The following DOCK3 variants were observed in gnomAD, a reference collection of about 807,000 sequenced individuals.
The protein encoded by DOCK3 is dedicator of cytokinesis 3, also known as dedicator of cytokinesis protein 3.
A neutral mutation model predicts 265.6 loss-of-function variants in DOCK3; 60 were observed. That is an observed-to-expected ratio of 0.23 (90% CI 0.18 to 0.28). The LOEUF (loss-of-function observed/expected upper bound fraction) is 0.28. Ranked by LOEUF, DOCK3 falls within the 10% of genes least tolerant of loss-of-function variation. The pLI is 1.00. For missense variants in DOCK3, 1,981 were observed against 2,594.3 expected, an observed-to-expected ratio of 0.76 and a Z score of 5.14; for synonymous variants, 881 against 938.0, an observed-to-expected ratio of 0.94 and a Z score of 1.11.
intron 14 of DOCK3, among the ~76,000 whole-genome samples, chr3:51,215,989 A>T: frequency 6.6e-6 from 1 of 152,262 alleles, no homozygotes; most frequent in African/African-American, 2.4e-5. Flanking sequence ...ATGAAAAAAA[A>T]AAAAAGTTAC....
chr3:50,753,906 AG>A (rs367584019), intron 1 of DOCK3, among the ~76,000 whole-genome samples: 72 of 152,248 alleles, frequency 4.7e-4, no homozygotes, highest in African/African-American at 1.7e-3. Context: ...GCTGCAGGCC[AG>A]CACTTTGGGA....
At chr3:51,192,748 A>G (rs1329904561) in intron 12 of DOCK3, among the ~76,000 whole-genome samples, 1 of 152,020 alleles carries the variant, frequency 6.6e-6, no homozygotes, top group African/African-American at 2.4e-5. Flanking sequence ...GGAAGTGTGC[A>G]GTAGCTACAA....
At chr3:51,270,760 AAGAT>A in intron 23 of DOCK3, 51 bp from the exon 24 acceptor site, 1 of 1,536,818 alleles carries the variant, frequency 6.5e-7, no homozygotes, top group Non-Finnish European at 8.8e-7. Flanking sequence ...CTGAGCATGA[AAGAT>A]AGACACACAC....
chr3:50,903,786 T>C (rs1045057512), intron 4 of DOCK3, among the ~76,000 whole-genome samples: 1 of 152,092 alleles, frequency 6.6e-6, no homozygotes, highest in Non-Finnish European at 1.5e-5. Flanking sequence ...TTTTTATACT[T>C]TAAGTTCTAG....
chr3:50,726,896 CAG>C (rs1488510310), intron 1 of DOCK3, among the ~76,000 whole-genome samples: 2 of 152,006 alleles, frequency 1.3e-5, no homozygotes, highest in Non-Finnish European at 2.9e-5. Flanking sequence ...AGCCTATTCA[CAG>C]GGGGAAAAAG....
Position 51,172,537 on chromosome 3 carries a change from T to C in DOCK3, c.1037+11835T>C, listed in dbSNP as rs183090060. On this transcript the variant is annotated intron_variant, in intron 12 of 52. Coordinates refer to ENST00000266037, the MANE Select transcript of DOCK3 (RefSeq NM_004947.5). ...AGGTGAGTCTCTTATAGGCAGCATA[T>C]TGATGGATCTTGCATTTTTATGCAT... is the stretch of plus-strand genomic sequence containing the variant. Among the ~76,000 whole-genome samples, 210 of 152,334 alleles carry C rather than the reference T, an allele frequency of 1.4e-3. 3 individuals carry two copies. The highest frequency in any genetic ancestry group is 0.014 in the Admixed American group (209 of 15,294).
At position 50,675,294 on chromosome 3, in the gene DOCK3, G is replaced by A; in HGVS notation, c.31G>A (p.Gly11Ser). Residue 11 changes from glycine (G) to serine (S), a missense_variant, in exon 1 of 53, where the codon GGC becomes AGC. Around this residue, in one of 4 missense-constraint regions of DOCK3, gnomAD observed 456 missense variants for 539.0 expected, o/e 0.85. Transcript: ENST00000266037. The surrounding 1 kb of genome is among the most constrained non-coding windows in gnomAD (Gnocchi z 6.1). Reference protein sequence around the residue: MWTPTEEEKYGVVICSFRGSV... With the variant: MWTPTEEEKYSVVICSFRGSV... ...GACCCCCACGGAGGAGGAGAAATAC[G>A]GCGTAGGTAGGTGAGGCTCAGGCCT... is the stretch of plus-strand genomic sequence containing the variant. 1 of 1,271,412 alleles carries A rather than the reference G, an allele frequency of 7.9e-7. No homozygotes were observed. The highest frequency in any genetic ancestry group is 1.0e-6 in the Non-Finnish European group (1 of 994,198). The allele number at this position is 1,271,412 out of a possible 1,614,324, so 78.8% of individuals were successfully genotyped here.
intron 2 of DOCK3, among the ~76,000 whole-genome samples, chr3:50,833,044 TAAG>T (rs1379760661): frequency 1.3e-5 from 2 of 152,194 alleles, no homozygotes; most frequent in African/African-American, 4.8e-5. Flanking sequence ...GTAAACTAAA[TAAG>T]AAAGCTTTTC....
At chr3:51,122,427 A>G (rs1226250065) in intron 9 of DOCK3, among the ~76,000 whole-genome samples, 1 of 152,350 alleles carries the variant, frequency 6.6e-6, no homozygotes. Flanking sequence ...AGCCCAGACA[A>G]CGGAGCAAGA....
intron 1 of DOCK3, among the ~76,000 whole-genome samples, chr3:50,729,073 C>A (rs2038022381): frequency 7.0e-6 from 1 of 142,494 alleles, no homozygotes; most frequent in Non-Finnish European, 1.5e-5. Flanking sequence ...GTAATCCCAG[C>A]ACTTTGGGAG....
intron 22 of DOCK3, among the ~76,000 whole-genome samples, chr3:51,259,692 A>G (rs1251929527): frequency 6.6e-6 from 1 of 152,186 alleles, no homozygotes; most frequent in Non-Finnish European, 1.5e-5. Flanking sequence ...GGCCCCAGCT[A>G]TATCTTAAAG....
intron 1 of DOCK3, among the ~76,000 whole-genome samples, chr3:50,707,985 G>A (rs557628087): frequency 1.9e-4 from 29 of 152,258 alleles, no homozygotes; most frequent in Non-Finnish European, 3.4e-4. Context: ...TAGATGGGGT[G>A]GCCCCCTTTT....
intron 14 of DOCK3, among the ~76,000 whole-genome samples, chr3:51,216,267 A>G (rs994567445): frequency 6.6e-6 from 1 of 152,242 alleles, no homozygotes; most frequent in African/African-American, 2.4e-5. Flanking sequence ...TTACATTGTC[A>G]AAACCTCATC....
At chr3:50,724,031 A>G (rs561657738) in intron 1 of DOCK3, among the ~76,000 whole-genome samples, 144 of 152,354 alleles carry the variant, frequency 9.5e-4, no homozygotes, top group African/African-American at 3.4e-3. Flanking sequence ...AAAATGGGCA[A>G]GGGATATGAA....
intron 38 of DOCK3, among the ~76,000 whole-genome samples, chr3:51,342,624 A>C (rs1411798681): frequency 1.3e-5 from 2 of 152,220 alleles, no homozygotes; most frequent in East Asian, 3.8e-4. Context: ...TTCCATGGGC[A>C]CAGAGTACAG....
rs369447487 is a variant in DOCK3 at position 51,228,771 on chromosome 3, C to T, written c.1758C>T (p.Arg586=). 1.4e-5 allele frequency: 23 copies of T among 1,614,016 alleles called. No homozygotes were observed. The African/African-American group carries it at 2.3e-4, about 16-fold the overall frequency. The change falls in exon 18 of 53, where the codon CGC becomes CGT. Residue 586 remains arginine, a synonymous_variant. Transcript: ENST00000266037. Reference sequence around the variant, plus strand: ...TTCCTTCTAGCCTCATCTTCCAGCGCAGCACCAAAGAGTCTTTCTTCATCT... The same window carrying T: ...TTCCTTCTAGCCTCATCTTCCAGCGTAGCACCAAAGAGTCTTTCTTCATCT... ...PNIPSSLIFQ[R]STKESFFIST...
chr3:50,855,711 G>A (rs1458906699), intron 3 of DOCK3, among the ~76,000 whole-genome samples: 1 of 151,980 alleles, frequency 6.6e-6, no homozygotes, highest in Non-Finnish European at 1.5e-5. Flanking sequence ...GGATACATGT[G>A]CAGGTATGTG....
At chr3:50,705,989 C>T (rs926983071) in intron 1 of DOCK3, among the ~76,000 whole-genome samples, 1 of 151,968 alleles carries the variant, frequency 6.6e-6, no homozygotes, top group Non-Finnish European at 1.5e-5. Flanking sequence ...CAAGATCGTA[C>T]CACTGCACTC....
At chr3:50,952,026 G>T (rs140536513) in intron 5 of DOCK3, among the ~76,000 whole-genome samples, 122 of 152,264 alleles carry the variant, frequency 8.0e-4, no homozygotes, top group African/African-American at 2.8e-3. Context: ...CAGACAAACA[G>T]TGGTGGGTTG....
Sources: allele counts gnomAD v4.1 joint callset (sites outside exome capture counted in the v4.1 genomes callset), GRCh38; gene constraint gnomAD v4.1.1; regional missense constraint gnomAD v4.1.1; non-coding constraint Gnocchi (gnomAD v3.1); transcripts MANE v1.5; gene names NCBI Gene and HGNC (gene_info 2026-07-23, HGNC 2026-07-21).